SUGCT: variants seen among roughly 807,000 people sequenced by gnomAD.
SUGCT encodes the protein succinyl-CoA:glutarate-CoA transferase, also known as succinyl-CoA:glutarate CoA-transferase.
SUGCT carries 41 observed loss-of-function variants against 55.0 expected under a neutral mutation model. The ratio of observed to expected loss-of-function variants is 0.74; its 90% CI spans 0.58 to 0.97. SUGCT has a LOEUF of 0.97. Ranked by LOEUF, SUGCT falls within the 50% of genes least tolerant of loss-of-function variation. The pLI is 0.00. For synonymous variants in SUGCT, 187 were observed against 200.4 expected, an observed-to-expected ratio of 0.93 and a Z score of 0.56; for missense variants, 568 against 547.8, an observed-to-expected ratio of 1.04 and a Z score of -0.37.
At chr7:40,888,097 C>T in the SUGCT span, among the ~76,000 whole-genome samples, 3 of 152,286 alleles carry the variant, frequency 2.0e-5, no homozygotes, top group South Asian at 2.1e-4. Context: ...CCATAGGCAT[C>T]CATGCCCTCA....
At chr7:40,594,636 T>A (rs1471324507) in intron 12 of SUGCT, among the ~76,000 whole-genome samples, 2 of 152,198 alleles carry the variant, frequency 1.3e-5, no homozygotes, top group Admixed American at 1.3e-4. Context: ...CATGAACTTC[T>A]TCCAGGATTA....
chr7:40,970,833 C>A, the SUGCT span, among the ~76,000 whole-genome samples: 3 of 151,950 alleles, frequency 2.0e-5, no homozygotes, highest in South Asian at 4.2e-4. Context: ...GGGAGAAGGA[C>A]AAGGGGGACA....
chr7:40,861,949 T>G (rs942832380), downstream of SUGCT, among the ~76,000 whole-genome samples: 2 of 152,236 alleles, frequency 1.3e-5, no homozygotes, highest in Non-Finnish European at 2.9e-5. Context: ...GACATTTACT[T>G]TAGGCCAGGT....
At chr7:40,215,841 G>A (rs577036747) in intron 6 of SUGCT, among the ~76,000 whole-genome samples, 11 of 149,580 alleles carry the variant, frequency 7.4e-5, no homozygotes, top group African/African-American at 1.7e-4. Context: ...CAGCCTGGGC[G>A]ACACAGCAAG....
intron 8 of SUGCT, among the ~76,000 whole-genome samples, chr7:40,277,065 T>A (rs1792548574): frequency 6.6e-6 from 1 of 152,192 alleles, no homozygotes; most frequent in Admixed American, 6.6e-5. Flanking sequence ...ATCATTAGAA[T>A]TATGATAAGT....
intron 12 of SUGCT, among the ~76,000 whole-genome samples, chr7:40,740,417 C>T (rs1472210016): frequency 1.3e-5 from 2 of 149,870 alleles, no homozygotes; most frequent in African/African-American, 2.4e-5. Context: ...ATTTATTTTT[C>T]CAATCTGTGT....
At chr7:40,500,483 C>G (rs1016254516) in intron 12 of SUGCT, among the ~76,000 whole-genome samples, 2 of 152,140 alleles carry the variant, frequency 1.3e-5, no homozygotes, top group Non-Finnish European at 2.9e-5. Context: ...CTTAACAACC[C>G]TTTCTTAACT....
At chr7:40,249,312 G>GATATATATATATAT (rs1562611874) in intron 7 of SUGCT, among the ~76,000 whole-genome samples, 1 of 22,214 alleles carries the variant, frequency 4.5e-5, no homozygotes. Context: ...ACACCAAAAA[G>GATATATATATATAT]CTATATATAT....
intron 12 of SUGCT, among the ~76,000 whole-genome samples, chr7:40,539,898 A>C (rs1464919895): frequency 6.6e-6 from 1 of 152,220 alleles, no homozygotes; most frequent in African/African-American, 2.4e-5. Flanking sequence ...GCTATTTTCC[A>C]GGTCTTGAAG....
chr7:40,883,638 G>C, the SUGCT span, among the ~76,000 whole-genome samples: 1 of 152,194 alleles, frequency 6.6e-6, no homozygotes, highest in Non-Finnish European at 1.5e-5. Context: ...GTTAAATGTT[G>C]GCTGCTATAA....
intron 13 of SUGCT, among the ~76,000 whole-genome samples, chr7:40,809,448 G>A (rs999456249): frequency 6.6e-5 from 10 of 151,810 alleles, no homozygotes; most frequent in Non-Finnish European, 7.4e-5. Context: ...TCACACACAC[G>A]TACACACACC....
chr7:40,626,851 G>T (rs1257532872), intron 12 of SUGCT, among the ~76,000 whole-genome samples: 1 of 152,122 alleles, frequency 6.6e-6, no homozygotes, highest in African/African-American at 2.4e-5. Flanking sequence ...CACGGAAAAT[G>T]CTCAATAAAT....
the SUGCT span, among the ~76,000 whole-genome samples, chr7:40,882,044 G>T: frequency 6.6e-6 from 1 of 152,134 alleles, no homozygotes; most frequent in African/African-American, 2.4e-5. Context: ...TTTCCTTTTA[G>T]ACAAAGTATT....
chr7:40,191,858 C>T (rs1386278258), intron 5 of SUGCT, among the ~76,000 whole-genome samples: 3 of 152,034 alleles, frequency 2.0e-5, no homozygotes, highest in Non-Finnish European at 4.4e-5. Flanking sequence ...GCCTGTAATC[C>T]CAGCACTTTG....
chr7:40,331,361 C>T (rs1287938381), intron 9 of SUGCT, among the ~76,000 whole-genome samples: 1 of 152,098 alleles, frequency 6.6e-6, no homozygotes, highest in South Asian at 2.1e-4. Context: ...GATAGCAGCA[C>T]ATTTAGGTGT....
At chr7:40,795,546 G>A (rs569928789) in intron 13 of SUGCT, among the ~76,000 whole-genome samples, 2 of 152,094 alleles carry the variant, frequency 1.3e-5, no homozygotes, top group African/African-American at 4.8e-5. Context: ...AGAAAAGCAG[G>A]GGTTCCATAT....
At chr7:40,247,494 T>C (rs560575625) in intron 7 of SUGCT, among the ~76,000 whole-genome samples, 143 of 152,162 alleles carry the variant, frequency 9.4e-4, no homozygotes, top group African/African-American at 3.3e-3. Flanking sequence ...CTAACCTCAA[T>C]TGATCCACCC....
At chr7:41,026,302 C>T in the SUGCT span, among the ~76,000 whole-genome samples, 1 of 152,306 alleles carries the variant, frequency 6.6e-6, no homozygotes, top group African/African-American at 2.4e-5. Flanking sequence ...TTTACCTGGT[C>T]AGCGCTGTCC....
At chr7:40,944,714 T>C in the SUGCT span, among the ~76,000 whole-genome samples, 1 of 152,210 alleles carries the variant, frequency 6.6e-6, no homozygotes, top group Non-Finnish European at 1.5e-5. Context: ...TGCCTCCAGC[T>C]TTGTTCTTTT....
Sources: gnomAD v4.1 joint callset for allele counts (sites outside exome capture counted in the v4.1 genomes callset) on GRCh38, gnomAD v4.1.1 for gene constraint, MANE v1.5 for transcripts, NCBI Gene and HGNC (gene_info 2026-07-23, HGNC 2026-07-21) for gene names.